The following DVL1 variants were observed in gnomAD, a reference collection of about 807,000 sequenced individuals.
DVL1 encodes the protein dishevelled segment polarity protein 1.
A neutral mutation model predicts 65.0 loss-of-function variants in DVL1; 49 were observed. That is an observed-to-expected ratio of 0.75 (90% CI 0.60 to 0.96). DVL1 has a LOEUF of 0.96. Ranked by LOEUF, DVL1 falls within the 40% of genes least tolerant of loss-of-function variation. The probability of loss-of-function intolerance (pLI) is 0.00; values close to 1 mark genes in which losing one functional copy is unlikely to be tolerated. For missense variants in DVL1, 1,197 were observed against 1,045.4 expected (o/e 1.15, Z -2.00); for synonymous variants, 608 against 433.9 (o/e 1.40, Z -4.99).
chr1:1,342,636 C>A (rs552407330), intron 2 of DVL1, 53 bp downstream of exon 2: 1 of 1,603,644 alleles, frequency 6.2e-7, no homozygotes, highest in East Asian at 2.2e-5. Context: ...GGAAGAGCCC[C>A]ACCCTGGAAT....
rs1416683906 is a variant in DVL1 at position 1,336,179 on chromosome 1, A to T, written c.2051T>A (p.Met684Lys). 1 of 1,573,592 alleles carries T rather than the reference A, an allele frequency of 6.4e-7. No homozygotes were observed. Among genetic ancestry groups the T allele is most frequent in the Non-Finnish European group, 8.6e-7 (1 of 1,165,478 alleles). Residue 684 changes from methionine (M) to lysine (K), a missense_variant, in exon 15 of 15, where the codon ATG (methionine) becomes AAG (lysine). By Grantham distance (95) the Met-to-Lys change is moderately conservative. Coordinates refer to ENST00000378888, the MANE Select transcript of DVL1 (RefSeq NM_001330311.2). ...TGSRQSFQKA[M>K]GNPCEFFVDI... ...CACGAAGAACTCGCAGGGGTTCCCC[A>T]TAGCCTTCTGGAAGGACTGGCGGCT...
intron 14 of DVL1, 170 bp downstream of exon 14, chr1:1,337,807 G>A (rs934194935): frequency 3.6e-5 from 26 of 720,582 alleles, no homozygotes; most frequent in Non-Finnish European, 6.0e-5. Context: ...TACACAGCAG[G>A]AGCATGGGAT....
At chr1:1,345,790 G>C (rs536327405) in intron 1 of DVL1, among the ~76,000 whole-genome samples, 1 of 152,182 alleles carries the variant, frequency 6.6e-6, no homozygotes, top group African/African-American at 2.4e-5. Context: ...AGCTGGCAGG[G>C]GTAGCTGGCC....
chr1:1,342,557 A>AG, intron 2 of DVL1, 73 bp from the exon 3 acceptor site: 1 of 1,578,620 alleles, frequency 6.3e-7, no homozygotes, highest in Non-Finnish European at 8.6e-7. Context: ...CCCAGGGAAC[A>AG]GGGGGCCAGC....
intron 1 of DVL1, among the ~76,000 whole-genome samples, chr1:1,344,874 C>T (rs1023679832): frequency 1.3e-5 from 2 of 152,150 alleles, no homozygotes; most frequent in African/African-American, 4.8e-5. Flanking sequence ...AGGGTCCCCA[C>T]CTCAGTCCCT....
chr1:1,348,870 T>A (rs1209317263), intron 1 of DVL1, 26 bp downstream of exon 1: 1 of 1,501,680 alleles, frequency 6.7e-7, no homozygotes, highest in Non-Finnish European at 8.9e-7. Flanking sequence ...CGCGCCAGGC[T>A]CGCGCAGGCC....
chr1:1,335,982 A>T lies in DVL1; in HGVS notation c.*160T>A. ...CTGCTCAGACACAGGTGCTGTCAGG[A>T]GCTGGAGCAGCCAGGCTGCCAGGGC... is the stretch of plus-strand genomic sequence containing the variant. On this transcript the variant is annotated 3_prime_UTR_variant, in exon 15 of 15. Coordinates refer to ENST00000378888, the MANE Select transcript of DVL1 (RefSeq NM_001330311.2). The T allele has an allele frequency of 1.1e-6, 1 of 951,246 alleles. No homozygotes were observed. The highest frequency in any genetic ancestry group is 1.5e-6 in the Non-Finnish European group (1 of 650,408). The allele number at this position is 951,246 out of a possible 1,614,324, so 58.9% of individuals were successfully genotyped here.
At chr1:1,339,214 C>T in intron 11 of DVL1, 73 bp downstream of exon 11, 1 of 1,528,624 alleles carries the variant, frequency 6.5e-7, no homozygotes, top group East Asian at 2.4e-5. Context: ...CACAGGCGGC[C>T]ATGCTGGAGG....
chr1:1,341,260 A>T (rs1423431182), intron 5 of DVL1, among the ~76,000 whole-genome samples: 2 of 152,098 alleles, frequency 1.3e-5, no homozygotes, highest in African/African-American at 4.8e-5. Flanking sequence ...CATTGTGAAA[A>T]CGCTCACGTG....
At position 1,339,330 on chromosome 1, in the gene DVL1, G is replaced by A. The variant is rs767087172; in HGVS notation, c.1164C>T (p.Arg388=). ...GTSPCSSAVT[R]TSSSSLTSSV... is the part of the protein sequence containing the mutation. ...AGCTGGTTAGTGAGGAGGAGCTGGT[G>A]CGCGTGACGGCGCTGGAGCAGGGAC... The change falls in exon 11 of 15, where the codon CGC becomes CGT. Residue 388 remains arginine (R), a synonymous_variant. Coordinates refer to ENST00000378888, the MANE Select transcript of DVL1 (RefSeq NM_001330311.2). 44 of 1,548,520 alleles carry A rather than the reference G, an allele frequency of 2.8e-5. No individual in the cohort carries two copies. The South Asian group carries it at 5.0e-4, about 18-fold the overall frequency.
rs1438772807 is a variant in DVL1 at position 1,335,861 on chromosome 1, G to T, written c.*281C>A. ...GGGGGTCAGCCGAGAGCCCGAGGGG[G>T]TCTTCCTCATCCCAGGAGGGATCCC... On this transcript the variant is annotated 3_prime_UTR_variant, in exon 15 of 15. Transcript: ENST00000378888. 2 of 527,228 alleles carry T rather than the reference G, an allele frequency of 3.8e-6. No homozygotes were observed. The highest frequency in any genetic ancestry group is 6.7e-6 in the Non-Finnish European group (2 of 297,252). The allele number at this position is 527,228 out of a possible 1,614,324, so 32.7% of individuals were successfully genotyped here.
rs780536284 is a variant in DVL1, at chr1:1,342,112, C to T, written c.407G>A (p.Gly136Asp). Residue 136 changes from glycine (G) to aspartate (D), a missense_variant, in exon 4 of 15, where the codon GGC (glycine) becomes GAC (aspartate). Transcript: ENST00000378888. ...SSRDGMDNET[G>D]TESMVSHRRE... is the part of the protein sequence containing the mutation. ...CCGGTGACTGACCATGGACTCCGTG[C>T]CTGTCTCGTTGTCCATCCCGTCACG... is the stretch of plus-strand genomic sequence containing the variant. The T allele has an allele frequency of 6.3e-6, 10 of 1,593,878 alleles. No homozygotes were observed. The highest frequency in any genetic ancestry group is 8.5e-6 in the Non-Finnish European group (10 of 1,171,580).
At chr1:1,337,461 C>A (rs551770935) in intron 14 of DVL1, among the ~76,000 whole-genome samples, 1 of 152,216 alleles carries the variant, frequency 6.6e-6, no homozygotes. Flanking sequence ...GCTCCCTACC[C>A]GGGCTGCAGC....
rs1643864830 is a variant in DVL1, at chr1:1,342,481, C to G, written c.244G>C (p.Val82Leu). 3.7e-6 allele frequency: 6 copies of G among 1,610,298 alleles called. No individual in the cohort carries two copies. The highest frequency in any genetic ancestry group is 4.2e-6 in the Non-Finnish European group (5 of 1,179,376). Residue 82 changes from valine (V) to leucine (L), a missense_variant, in exon 3 of 15, where the codon GTC becomes CTC. Val to Leu is a conservative substitution (Grantham distance 32, BLOSUM62 1). Coordinates refer to ENST00000378888, the MANE Select transcript of DVL1 (RefSeq NM_001330311.2). ...CFNGRVVSWL[V>L]LAEGAHSDAG... ...TCCGAGTGAGCACCCTCAGCCAGGA[C>G]CAGCTGTGGAGGGAGCAGGCATGCT...
chr1:1,349,055 G>C lies in DVL1; in HGVS notation c.11C>G (p.Thr4Ser), dbSNP rs1483769694. ...CTCGTCCATGTGGTAGATAATCTTGGTCTCCGCCATGGCGCGGCGGCGGCG... is the reference window on the plus strand; with the variant it reads ...CTCGTCCATGTGGTAGATAATCTTGCTCTCCGCCATGGCGCGGCGGCGGCG... MAETKIIYHMDEEE... is the reference protein window; with the variant it reads MAESKIIYHMDEEE... The change falls in exon 1 of 15, where the codon ACC becomes AGC. Residue 4 changes from threonine (T) to serine (S), a missense_variant. Thr to Ser is a moderately conservative substitution (Grantham distance 58). Coordinates refer to ENST00000378888, the MANE Select transcript of DVL1 (RefSeq NM_001330311.2). This position sits in a 1 kb window ranked among gnomAD's most constrained non-coding sequence, Gnocchi z 4.1. The C allele has an allele frequency of 6.6e-7, 1 of 1,517,336 alleles. No individual in the cohort carries two copies. The highest frequency in any genetic ancestry group is 1.2e-5 in the South Asian group (1 of 86,358). The allele number at this position is 1,517,336 out of a possible 1,614,324, so 94.0% of individuals were successfully genotyped here.
intron 11 of DVL1, 148 bp downstream of exon 11, chr1:1,339,139 T>C: frequency 9.0e-7 from 1 of 1,105,970 alleles, no homozygotes; most frequent in Non-Finnish European, 1.3e-6. Flanking sequence ...CACGGGTGCC[T>C]GTGCACACGT....
intron 13 of DVL1, 40 bp downstream of exon 13, chr1:1,338,229 T>TGGGCGC: frequency 1.3e-6 from 2 of 1,522,364 alleles, no homozygotes; most frequent in Non-Finnish European, 1.8e-6. Flanking sequence ...CCTCCGGCGT[T>TGGGCGC]CCCCTCCCCC....
chr1:1,337,819 G>C (rs1222503462), intron 14 of DVL1, 158 bp downstream of exon 14: 1 of 730,300 alleles, frequency 1.4e-6, no homozygotes, highest in Non-Finnish European at 2.4e-6. Context: ...GCATGGGATT[G>C]GGGTCAGCAG....
chr1:1,346,636 A>C (rs2100770502), intron 1 of DVL1, among the ~76,000 whole-genome samples: 1 of 152,318 alleles, frequency 6.6e-6, no homozygotes. Context: ...TGGGGTCCAG[A>C]CCAGGGCACG....
Sources: gnomAD v4.1 joint callset for allele counts (sites outside exome capture counted in the v4.1 genomes callset) on GRCh38, gnomAD v4.1.1 for gene constraint, Gnocchi (gnomAD v3.1) non-coding constraint, MANE v1.5 for transcripts, NCBI Gene and HGNC (gene_info 2026-07-23, HGNC 2026-07-21) for gene names.